The following EXOC6B variants were observed in gnomAD, a reference collection of about 807,000 sequenced individuals.
The protein encoded by EXOC6B is SEC15 homolog B.
Under a neutral mutation model 113.5 loss-of-function variants are expected in EXOC6B, and 54 were observed. The ratio of observed to expected loss-of-function variants is 0.48; its 90% CI spans 0.38 to 0.60. The LOEUF (loss-of-function observed/expected upper bound fraction) is 0.60, where lower values mean the gene tolerates loss of function less well. EXOC6B is among the 20% of genes least tolerant of loss of function. EXOC6B has a pLI of 0.00. For missense variants in EXOC6B, 797 were observed against 977.5 expected, an observed-to-expected ratio of 0.82 and a Z score of 2.46; for synonymous variants, 357 against 339.0, an observed-to-expected ratio of 1.05 and a Z score of -0.58.
chr2:72,733,448 A>G (rs902056886), intron 2 of EXOC6B, among the ~76,000 whole-genome samples: 7 of 152,180 alleles, frequency 4.6e-5, no homozygotes, highest in African/African-American at 1.4e-4. Context: ...TAGAAAGTAC[A>G]AATTTTATAC....
Position 72,718,184 on chromosome 2 carries a change from A to C in EXOC6B, c.588T>G (p.Asp196Glu). Residue 196 changes from aspartate to glutamate, a missense_variant, in exon 6 of 22, where the codon GAT (aspartate) becomes GAG (glutamate). Coordinates refer to ENST00000272427, the MANE Select transcript of EXOC6B (RefSeq NM_015189.3). ...NIPKLREEIK[D>E]VSMSDLKDFL... The stretch of plus-strand genomic sequence containing the variant: ...AGTCTTTGAGATCGGACATAGAAAC[A>C]TCTTTTATTTCTTCTCGAAGCTTGG... 3 of 1,613,848 alleles carry C rather than the reference A, an allele frequency of 1.9e-6. No individual in the cohort carries two copies. The highest frequency in any genetic ancestry group is 2.5e-6 in the Non-Finnish European group (3 of 1,179,800).
At chr2:72,179,742 T>C (rs978080330) in intron 21 of EXOC6B, among the ~76,000 whole-genome samples, 2 of 152,010 alleles carry the variant, frequency 1.3e-5, no homozygotes, top group Non-Finnish European at 2.9e-5. Context: ...CCTAATTCAT[T>C]CTCTTCTCTC....
intron 20 of EXOC6B, among the ~76,000 whole-genome samples, chr2:72,261,700 A>G (rs1358531860): frequency 6.6e-6 from 1 of 152,202 alleles, no homozygotes; most frequent in Non-Finnish European, 1.5e-5. Context: ...AAGTATATAC[A>G]TATAGTTCTC....
chr2:72,268,278 T>C (rs1389980196), intron 20 of EXOC6B, among the ~76,000 whole-genome samples: 2 of 152,032 alleles, frequency 1.3e-5, no homozygotes, highest in Non-Finnish European at 2.9e-5. Flanking sequence ...ACCCAGCTAA[T>C]TTTTGTATTT....
chr2:72,464,953 AT>A, intron 18 of EXOC6B: 1 of 581,214 alleles, frequency 1.7e-6, no homozygotes, highest in Non-Finnish European at 3.0e-6. Flanking sequence ...ACCAGGAACC[AT>A]TTTCAGATGA....
At chr2:72,406,663 A>C (rs1693791794) in intron 18 of EXOC6B, among the ~76,000 whole-genome samples, 1 of 152,234 alleles carries the variant, frequency 6.6e-6, no homozygotes, top group Non-Finnish European at 1.5e-5. Flanking sequence ...AACGAAAACA[A>C]AGACACAACA....
chr2:72,329,400 A>G (rs1688310927), intron 20 of EXOC6B, among the ~76,000 whole-genome samples: 1 of 152,048 alleles, frequency 6.6e-6, no homozygotes, highest in African/African-American at 2.4e-5. Flanking sequence ...GAAGCCTCCT[A>G]GTTAGGGGAC....
At chr2:72,327,330 T>G (rs1018119077) in intron 20 of EXOC6B, among the ~76,000 whole-genome samples, 7 of 151,868 alleles carry the variant, frequency 4.6e-5, no homozygotes, top group Middle Eastern at 6.3e-3. Context: ...CCTTCCCCAT[T>G]AAAATAAAAA....
intron 19 of EXOC6B, among the ~76,000 whole-genome samples, chr2:72,364,841 T>C (rs1216765928): frequency 6.6e-6 from 1 of 152,204 alleles, no homozygotes; most frequent in Non-Finnish European, 1.5e-5. Flanking sequence ...GACTTTGTTA[T>C]TTAACCAGTG....
At chr2:72,209,244 AAAAG>A (rs1559017781) in intron 20 of EXOC6B, among the ~76,000 whole-genome samples, 6 of 102,814 alleles carry the variant, frequency 5.8e-5, no homozygotes, top group Non-Finnish European at 8.4e-5. Flanking sequence ...AAAAAAAAAA[AAAAG>A]AAAAGAAAAG....
intron 20 of EXOC6B, among the ~76,000 whole-genome samples, chr2:72,307,941 CTT>C (rs1045672750): frequency 7.9e-5 from 12 of 152,234 alleles, no homozygotes; most frequent in African/African-American, 2.6e-4. Flanking sequence ...GACAAATACT[CTT>C]TGTTTGTAAT....
intron 1 of EXOC6B, among the ~76,000 whole-genome samples, chr2:72,773,141 T>TTG (rs1683500102): frequency 3.4e-5 from 5 of 145,378 alleles, no homozygotes; most frequent in African/African-American, 1.3e-4. Flanking sequence ...TTTTTTTTTT[T>TTG]TGTGAGACAG....
intron 1 of EXOC6B, among the ~76,000 whole-genome samples, chr2:72,804,827 C>T (rs1377890389): frequency 6.6e-6 from 1 of 151,850 alleles, no homozygotes; most frequent in Non-Finnish European, 1.5e-5. Context: ...CAAACTCTAA[C>T]CTCAAGTGAT....
In EXOC6B at chr2:72,243,487, G is replaced by A. The variant is rs762592086; in HGVS notation, c.2197-59300C>T. 2.6e-4 allele frequency among the ~76,000 whole-genome samples: 40 copies of A among 152,216 alleles called. 1 individual carries two copies. The highest frequency in any genetic ancestry group is 8.7e-4 in the African/African-American group (36 of 41,542). On this transcript the variant is annotated intron_variant, in intron 20 of 21. Transcript: ENST00000272427. ...AAACCATCATTCTGAGCAAACTATC[G>A]CAAGGACAGAAAACCAAACACCCCA...
At chr2:72,590,116 T>C (rs1705838162) in intron 6 of EXOC6B, among the ~76,000 whole-genome samples, 1 of 151,970 alleles carries the variant, frequency 6.6e-6, no homozygotes, top group African/African-American at 2.4e-5. Flanking sequence ...ATTTTGGTAA[T>C]GTTGTGGATA....
At chr2:72,302,160 T>C (rs1686571913) in intron 20 of EXOC6B, among the ~76,000 whole-genome samples, 1 of 152,190 alleles carries the variant, frequency 6.6e-6, no homozygotes, top group African/African-American at 2.4e-5. Flanking sequence ...CAGTGATTAT[T>C]TTAATCTTGA....
In EXOC6B at chr2:72,492,439, A is replaced by G. The variant is rs529215564; in HGVS notation, c.1554-10T>C. 22 of 1,587,480 alleles carry G rather than the reference A, an allele frequency of 1.4e-5. No homozygotes were observed. The African/African-American group carries it at 2.0e-4, about 15-fold the overall frequency. On this transcript the variant is annotated splice_polypyrimidine_tract_variant and intron_variant, in intron 15 of 21. Transcript: ENST00000272427. ...ATCAACTTCAGTTGAGCTGAAAAAG[A>G]AGCATTAAGAGTCAGTCATAGCAGG...
In EXOC6B at chr2:72,178,149, A is replaced by G. The variant is rs369073341; in HGVS notation, c.*1186T>C. On this transcript the variant is annotated 3_prime_UTR_variant, in exon 22 of 22. Coordinates refer to ENST00000272427, the MANE Select transcript of EXOC6B (RefSeq NM_015189.3). ...CTTGAGCAACAAAATAATATCTAGGATATTATTTAGTGAAGGACAGTTGGG... is the reference window on the plus strand; with the variant it reads ...CTTGAGCAACAAAATAATATCTAGGGTATTATTTAGTGAAGGACAGTTGGG... 1.5e-4 allele frequency: 23 copies of G among 152,238 alleles called. 1 individual carries two copies. Among genetic ancestry groups the G allele is most frequent in the African/African-American group, 4.3e-4 (18 of 41,526 alleles). 9.4% of individuals were successfully genotyped at this position (152,238 alleles called of 1,614,324 possible). A position where few individuals can be genotyped will look rare whatever the true frequency, so the allele number is the denominator to read the frequency against.
chr2:72,438,457 A>C (rs1696012172), intron 18 of EXOC6B, among the ~76,000 whole-genome samples: 1 of 152,182 alleles, frequency 6.6e-6, no homozygotes, highest in Admixed American at 6.5e-5. Context: ...GAAAATTTAA[A>C]AATTAGTTAA....
Sources: gnomAD v4.1 joint callset for allele counts (sites outside exome capture counted in the v4.1 genomes callset) on GRCh38, gnomAD v4.1.1 for gene constraint, MANE v1.5 for transcripts, NCBI Gene and HGNC (gene_info 2026-07-23, HGNC 2026-07-21) for gene names.